Variants in STK25 observed in about 807,000 individuals in gnomAD.
The protein encoded by STK25 is serine/threonine-protein kinase 25.
STK25 carries 29 observed loss-of-function variants against 53.8 expected under a neutral mutation model. The ratio of observed to expected loss-of-function variants is 0.54; its 90% CI spans 0.40 to 0.74. The LOEUF is 0.74. Among genes scored for constraint, STK25 ranks in the 30% least tolerant of loss-of-function variants. The probability of loss-of-function intolerance (pLI) is 0.00; values close to 1 mark genes in which losing one functional copy is unlikely to be tolerated. For synonymous variants in STK25, 247 were observed against 238.3 expected (o/e 1.04, Z -0.33); for missense variants, 420 against 568.0 (o/e 0.74, Z 2.65).
intron 3 of STK25, 87 bp from the exon 4 acceptor site, chr2:241,500,883 G>A: frequency 4.4e-6 from 6 of 1,374,942 alleles, no homozygotes; most frequent in Non-Finnish European, 6.1e-6. Flanking sequence ...AGTCAGCCAG[G>A]GCCCAGGCCC....
chr2:241,493,150 C>T lies in STK25; in HGVS notation c.*2512G>A. The T allele has an allele frequency of 2.6e-6, 3 of 1,163,128 alleles. No homozygotes were observed. The highest frequency in any genetic ancestry group is 3.8e-6 in the Non-Finnish European group (3 of 784,994). The allele number at this position is 1,163,128 out of a possible 1,614,324, so 72.1% of individuals were successfully genotyped here. On this transcript the variant is annotated 3_prime_UTR_variant, in exon 12 of 12. Coordinates refer to ENST00000316586, the MANE Select transcript of STK25 (RefSeq NM_001271977.2). ...TCTGCCCTCCCATGCTTTGCCCACA[C>T]ACCCTGTGCTGTGTGAACAGGGAAA...
In STK25 at chr2:241,493,883, C is replaced by T; in HGVS notation, c.*1779G>A. The T allele has an allele frequency of 1.7e-6, 1 of 592,362 alleles. No individual in the cohort carries two copies. The highest frequency in any genetic ancestry group is 2.9e-6 in the Non-Finnish European group (1 of 348,460). 36.7% of individuals were successfully genotyped at this position (592,362 alleles called of 1,614,324 possible). On this transcript the variant is annotated 3_prime_UTR_variant, in exon 12 of 12. Coordinates refer to ENST00000316586, the MANE Select transcript of STK25 (RefSeq NM_001271977.2). ...AAGTGCTGGGATTATAGGCATGAGC[C>T]ACCGCACCCGGCCCCAGGTTTTTAA...
chr2:241,497,849 GCCTGACTCTGAGGGCGACTCCCACCCTCT>G (rs1382441289), intron 9 of STK25, among the ~76,000 whole-genome samples, 162 bp from the exon 10 acceptor site: 2 of 151,898 alleles, frequency 1.3e-5, no homozygotes, highest in East Asian at 1.9e-4. Flanking sequence ...CACCCGGATG[GCCTGACTCTGAGGGCGACTCCCACCCTCT>G]CCTGACTCTG....
chr2:241,497,392 A>G, intron 10 of STK25: 1 of 541,300 alleles, frequency 1.8e-6, no homozygotes, highest in Non-Finnish European at 3.4e-6. Context: ...AAGAAAAAAA[A>G]GTCACCCTAG....
At position 241,493,932 on chromosome 2, in the gene STK25, C is replaced by T. The variant is rs2065030682; in HGVS notation, c.*1730G>A. The T allele has an allele frequency of 2.1e-6, 2 of 935,930 alleles. No individual in the cohort carries two copies. The highest frequency in any genetic ancestry group is 2.9e-5 in the Admixed American group (1 of 35,010). The allele number at this position is 935,930 out of a possible 1,614,324, so 58.0% of individuals were successfully genotyped here. ...AACCCTTCTTTTGTCCTGCTTGTCC[C>T]ATATCCTGGGTTGTTCTTGGGACAG... On this transcript the variant is annotated 3_prime_UTR_variant, in exon 12 of 12. Coordinates refer to ENST00000316586, the MANE Select transcript of STK25 (RefSeq NM_001271977.2).
upstream of STK25, chr2:241,508,821 G>C: frequency 1.1e-6 from 1 of 893,364 alleles, no homozygotes; most frequent in Non-Finnish European, 1.3e-6. Context: ...CGCCTGGGCG[G>C]GCGGGGCACG....
chr2:241,500,170 G>T lies in STK25; in HGVS notation c.427+3C>A. 1 of 1,612,640 alleles carries T rather than the reference G, an allele frequency of 6.2e-7. No individual in the cohort carries two copies. Among genetic ancestry groups the T allele is most frequent in the Non-Finnish European group, 8.5e-7 (1 of 1,178,770 alleles). Reference sequence around the variant, plus strand: ...CAAGAGCCACATCCACCCCCAGCAGGACCTTTGATGTCTCGGTGGATCTTG... The same window carrying T: ...CAAGAGCCACATCCACCCCCAGCAGTACCTTTGATGTCTCGGTGGATCTTG... On this transcript the variant is annotated splice_donor_region_variant and intron_variant, in intron 5 of 11. Transcript: ENST00000316586.
At chr2:241,503,912 G>C in intron 2 of STK25, 1 of 427,880 alleles carries the variant, frequency 2.3e-6, no homozygotes, top group Middle Eastern at 3.9e-4. Flanking sequence ...CCCAGCGGAG[G>C]AGCTGGCTGA....
At position 241,492,884 on chromosome 2, in the gene STK25, T is replaced by A; in HGVS notation, c.*2778A>T. 8.9e-7 allele frequency: 1 copy of A among 1,122,262 alleles called. No homozygotes were observed. The highest frequency in any genetic ancestry group is 1.2e-5 in the South Asian group (1 of 80,786). 69.5% of individuals were successfully genotyped at this position (1,122,262 alleles called of 1,614,324 possible). On this transcript the variant is annotated 3_prime_UTR_variant, in exon 12 of 12. Coordinates refer to ENST00000316586, the MANE Select transcript of STK25 (RefSeq NM_001271977.2). ...GGAGCAAACCCACTCCCACAAGGGG[T>A]CCTGGGTGCTGGTTAATGCACCTGC...
rs1349210872 is a variant in STK25 at position 241,495,255 on chromosome 2, T to C, written c.*407A>G. 8 of 190,734 alleles carry C rather than the reference T, an allele frequency of 4.2e-5. No homozygotes were observed. Among genetic ancestry groups the C allele is most frequent in the Non-Finnish European group, 8.7e-5 (8 of 92,040 alleles). 11.8% of individuals were successfully genotyped at this position (190,734 alleles called of 1,614,324 possible). Reference sequence around the variant, plus strand: ...GCGGCCAGGACACTCCTCTGGGGGCTGCCCTGTTGCCTCTCCCCACCTCAT... The same window carrying C: ...GCGGCCAGGACACTCCTCTGGGGGCCGCCCTGTTGCCTCTCCCCACCTCAT... On this transcript the variant is annotated 3_prime_UTR_variant, in exon 12 of 12. Coordinates refer to ENST00000316586, the MANE Select transcript of STK25 (RefSeq NM_001271977.2).
At position 241,494,132 on chromosome 2, in the gene STK25, A is replaced by G. The variant is rs769053492; in HGVS notation, c.*1530T>C. 1.4e-6 allele frequency: 2 copies of G among 1,459,004 alleles called. No homozygotes were observed. The highest frequency in any genetic ancestry group is 9.1e-7 in the Non-Finnish European group (1 of 1,104,032). 90.4% of individuals were successfully genotyped at this position (1,459,004 alleles called of 1,614,324 possible). A position where few individuals can be genotyped will look rare whatever the true frequency, so the allele number is the denominator to read the frequency against. On this transcript the variant is annotated 3_prime_UTR_variant, in exon 12 of 12. Coordinates refer to ENST00000316586, the MANE Select transcript of STK25 (RefSeq NM_001271977.2). The surrounding 1 kb of genome is among the most constrained non-coding windows in gnomAD (Gnocchi z 4.9). ...CAGGGGGAAGGAGGAATGACGCTCA[A>G]CCTGCCCAGGTTTGGACACAACTAC...
At chr2:241,508,668 G>A (rs987785899), upstream of STK25, 49 of 985,840 alleles carry the variant, frequency 5.0e-5, 2 homozygotes, top group African/African-American at 6.5e-4. Flanking sequence ...CCCACTCCGG[G>A]CCCGGAAGCC....
intron 1 of STK25, 30 bp downstream of exon 1, chr2:241,508,413 C>G: frequency 9.2e-7 from 1 of 1,087,932 alleles, no homozygotes; most frequent in Non-Finnish European, 1.1e-6. Context: ...CCCCAATCGC[C>G]GCAAGCGCCC....
At position 241,498,980 on chromosome 2, in the gene STK25, G is replaced by C; in HGVS notation, c.771+9C>G. The C allele has an allele frequency of 6.2e-7, 1 of 1,613,446 alleles. No individual in the cohort carries two copies. The highest frequency in any genetic ancestry group is 8.5e-7 in the Non-Finnish European group (1 of 1,179,564). On this transcript the variant is annotated intron_variant, in intron 7 of 11. Transcript: ENST00000316586. Reference sequence around the variant, plus strand: ...GTCTAGAAGGGACCGGGCCAGAGGCGGGCCTTACGAATCGGGGGTCTTTGT... The same window carrying C: ...GTCTAGAAGGGACCGGGCCAGAGGCCGGCCTTACGAATCGGGGGTCTTTGT...
At chr2:241,499,674 G>T (rs2065386996) in intron 5 of STK25, 1 of 565,004 alleles carries the variant, frequency 1.8e-6, no homozygotes, top group African/African-American at 1.9e-5. Context: ...CCAACGACAA[G>T]CGACTTCGCC....
chr2:241,498,809 G>C, intron 7 of STK25, 25 bp from the exon 8 acceptor site: 1 of 1,613,322 alleles, frequency 6.2e-7, no homozygotes, highest in Non-Finnish European at 8.5e-7. Context: ...GGGAACACTA[G>C]TCACTGGGCC....
chr2:241,493,531 T>G lies in STK25; in HGVS notation c.*2131A>C. 1 of 1,275,712 alleles carries G rather than the reference T, an allele frequency of 7.8e-7. No homozygotes were observed. Among genetic ancestry groups the G allele is most frequent in the Non-Finnish European group, 1.1e-6 (1 of 883,702 alleles). 79.0% of individuals were successfully genotyped at this position (1,275,712 alleles called of 1,614,324 possible). ...TCTACTCATGGTGGTGGAGGCAAGT[T>G]TTCTGGGCCCTGGAAAGGAAGGGCT... On this transcript the variant is annotated 3_prime_UTR_variant, in exon 12 of 12. Coordinates refer to ENST00000316586, the MANE Select transcript of STK25 (RefSeq NM_001271977.2).
intron 2 of STK25, among the ~76,000 whole-genome samples, chr2:241,505,003 G>A (rs1253148863): frequency 1.3e-5 from 2 of 150,912 alleles, no homozygotes; most frequent in Non-Finnish European, 2.9e-5. Flanking sequence ...TGCAACCTCC[G>A]CCTCCCAGGT....
chr2:241,501,230 C>A lies in STK25; in HGVS notation c.261+248G>T. On this transcript the variant is annotated intron_variant, in intron 3 of 11. Transcript: ENST00000316586. This position sits in a 1 kb window ranked among gnomAD's most constrained non-coding sequence, Gnocchi z 5.3. ...CTCACCACTGCCAGTAGGGGCCCCC[C>A]AGAGTGCTCCTAGCAGCGCCCTCAC... The A allele has an allele frequency of 5.2e-6, 3 of 582,492 alleles. No individual in the cohort carries two copies. Among genetic ancestry groups the A allele is most frequent in the Non-Finnish European group, 9.3e-6 (3 of 322,926 alleles). 36.1% of individuals were successfully genotyped at this position (582,492 alleles called of 1,614,324 possible).
Sources: gnomAD v4.1 joint callset for allele counts (sites outside exome capture counted in the v4.1 genomes callset) on GRCh38, gnomAD v4.1.1 for gene constraint, Gnocchi (gnomAD v3.1) non-coding constraint, MANE v1.5 for transcripts, NCBI Gene and HGNC (gene_info 2026-07-23, HGNC 2026-07-21) for gene names.